The following SKAP2 variants were observed in gnomAD, a reference collection of about 807,000 sequenced individuals.
SKAP2 encodes src kinase associated phosphoprotein 2, also known as src kinase-associated phosphoprotein 2.
Under a neutral mutation model 54.9 loss-of-function variants are expected in SKAP2, and 28 were observed. That is an observed-to-expected ratio of 0.51 (90% CI 0.38 to 0.70). The LOEUF (loss-of-function observed/expected upper bound fraction) is 0.70, where lower values mean the gene tolerates loss of function less well. Ranked by LOEUF, SKAP2 falls within the 30% of genes least tolerant of loss-of-function variation. SKAP2 has a pLI of 0.00. For synonymous variants in SKAP2, 137 were observed against 134.3 expected, an observed-to-expected ratio of 1.02 and a Z score of -0.14; for missense variants, 356 against 424.1, an observed-to-expected ratio of 0.84 and a Z score of 1.41.
At chr7:26,831,742 A>C (rs1784600436) in intron 4 of SKAP2, among the ~76,000 whole-genome samples, 1 of 152,150 alleles carries the variant, frequency 6.6e-6, no homozygotes, top group African/African-American at 2.4e-5. Context: ...ACAGGCAATG[A>C]AGTATTTGAA....
chr7:26,773,132 G>T (rs562043046), intron 4 of SKAP2, among the ~76,000 whole-genome samples: 1 of 152,276 alleles, frequency 6.6e-6, no homozygotes, highest in Non-Finnish European at 1.5e-5. Context: ...GCTAATTCAG[G>T]CATGTAATTA....
At chr7:26,826,086 G>C (rs551380671) in intron 4 of SKAP2, among the ~76,000 whole-genome samples, 2 of 150,916 alleles carry the variant, frequency 1.3e-5, no homozygotes, top group Admixed American at 6.6e-5. Context: ...TCTTTTTTGG[G>C]CACACGATCC....
At chr7:26,685,381 G>T (rs1004692086) in intron 10 of SKAP2, among the ~76,000 whole-genome samples, 9 of 152,104 alleles carry the variant, frequency 5.9e-5, no homozygotes, top group African/African-American at 2.2e-4. Flanking sequence ...GCTGGTTAAT[G>T]AAAGACAACA....
chr7:26,686,245 G>C (rs1786637530), intron 10 of SKAP2, among the ~76,000 whole-genome samples: 1 of 152,086 alleles, frequency 6.6e-6, no homozygotes, highest in Non-Finnish European at 1.5e-5. Context: ...AGAAAATAAA[G>C]ATGGACTAGA....
intron 1 of SKAP2, among the ~76,000 whole-genome samples, chr7:26,862,824 G>A (rs900228236): frequency 1.3e-5 from 2 of 152,008 alleles, no homozygotes; most frequent in Non-Finnish European, 2.9e-5. Flanking sequence ...AGGTCTATAT[G>A]TTATTTCTTA....
intron 9 of SKAP2, among the ~76,000 whole-genome samples, chr7:26,707,255 T>G (rs1316724885): frequency 6.6e-6 from 1 of 151,536 alleles, no homozygotes; most frequent in Non-Finnish European, 1.5e-5. Context: ...AGCTATTCGG[T>G]AGGCTTAGGT....
chr7:26,791,040 G>C (rs1783664054), intron 4 of SKAP2, among the ~76,000 whole-genome samples: 1 of 144,740 alleles, frequency 6.9e-6, no homozygotes, highest in South Asian at 2.2e-4. Context: ...TGTAAAACTT[G>C]TTTTAATTTA....
chr7:26,770,403 G>A (rs1457437194), intron 4 of SKAP2, among the ~76,000 whole-genome samples: 1 of 152,120 alleles, frequency 6.6e-6, no homozygotes, highest in Admixed American at 6.5e-5. Context: ...TGTGGGGGTG[G>A]GATCTGCTGA....
chr7:26,857,330 A>C lies in SKAP2; in HGVS notation c.68-2440T>G, dbSNP rs1333791336. ...TTGCTTAAAAAAAAAAAAAAAAAAA[A>C]AAAAACTTTAAACTGGAAGCAGTTC... On this transcript the variant is annotated intron_variant, in intron 1 of 12. Transcript: ENST00000345317. 21 of 268,034 alleles carry C rather than the reference A, an allele frequency of 7.8e-5. No individual in the cohort carries two copies. In the South Asian group the frequency reaches 2.7e-3, roughly 35 times the overall value. The allele number at this position is 268,034 out of a possible 1,614,324, so 16.6% of individuals were successfully genotyped here.
chr7:26,775,811 C>T (rs1308152044), intron 4 of SKAP2, among the ~76,000 whole-genome samples: 1 of 152,116 alleles, frequency 6.6e-6, no homozygotes, highest in Non-Finnish European at 1.5e-5. Flanking sequence ...ATTGACTTTT[C>T]TTCACTCAGC....
chr7:26,758,474 T>TGAAC lies in SKAP2; in HGVS notation c.308-18511_308-18510insGTTC, dbSNP rs141942070. Among the ~76,000 whole-genome samples the TGAAC allele has an allele frequency of 5.8e-3, 889 of 152,328 alleles. 9 individuals carry two copies. Among genetic ancestry groups the TGAAC allele is most frequent in the African/African-American group, 0.02 (849 of 41,578 alleles). On this transcript the variant is annotated intron_variant, in intron 4 of 12. Transcript: ENST00000345317. Reference sequence around the variant, plus strand: ...ATATATGAAGGTACTACTTTGAGAATGTTCACCTACCTGGCTATTCTTCAA... The same window carrying TGAAC: ...ATATATGAAGGTACTACTTTGAGAATGAACGTTCACCTACCTGGCTATTCTTCAA...
intron 6 of SKAP2, among the ~76,000 whole-genome samples, chr7:26,738,204 TCA>T (rs1323580390): frequency 2.0e-5 from 3 of 152,348 alleles, no homozygotes; most frequent in African/African-American, 7.2e-5. Context: ...CTCTCTGTTC[TCA>T]GTTTTCCTAA....
At chr7:26,826,779 G>T (rs1784500393) in intron 4 of SKAP2, among the ~76,000 whole-genome samples, 1 of 152,164 alleles carries the variant, frequency 6.6e-6, no homozygotes, top group African/African-American at 2.4e-5. Flanking sequence ...TAAAGACAGT[G>T]ACATACCTTA....
At chr7:26,759,829 A>G (rs1266585087) in intron 4 of SKAP2, among the ~76,000 whole-genome samples, 1 of 152,184 alleles carries the variant, frequency 6.6e-6, no homozygotes, top group African/African-American at 2.4e-5. Flanking sequence ...CTGGCCAAGA[A>G]AAGAGGCCCA....
At chr7:26,805,228 A>G (rs1413139078) in intron 4 of SKAP2, among the ~76,000 whole-genome samples, 1 of 152,230 alleles carries the variant, frequency 6.6e-6, no homozygotes, top group Non-Finnish European at 1.5e-5. Flanking sequence ...TGAAACAATC[A>G]ACAGACTATG....
chr7:26,801,952 C>A (rs1425560519), intron 4 of SKAP2, among the ~76,000 whole-genome samples: 2 of 152,034 alleles, frequency 1.3e-5, no homozygotes, highest in African/African-American at 4.8e-5. Flanking sequence ...AGATTCAATG[C>A]AATCCCTATC....
chr7:26,657,067 G>A, the SKAP2 span, among the ~76,000 whole-genome samples: 1 of 152,096 alleles, frequency 6.6e-6, no homozygotes, highest in Admixed American at 6.5e-5. Flanking sequence ...CAAACGGTCT[G>A]AATAATAATA....
At chr7:26,839,803 A>G (rs1040180327) in intron 4 of SKAP2, among the ~76,000 whole-genome samples, 3 of 152,052 alleles carry the variant, frequency 2.0e-5, no homozygotes, top group African/African-American at 7.2e-5. Context: ...AATTTGGTAC[A>G]TTAAATTTAT....
intron 9 of SKAP2, among the ~76,000 whole-genome samples, chr7:26,723,702 A>T (rs573698753): frequency 4.7e-5 from 7 of 150,458 alleles, no homozygotes; most frequent in African/African-American, 1.5e-4. Flanking sequence ...TTCCTGATCA[A>T]TTTTTTTTTT....
Sources: gnomAD v4.1 joint callset for allele counts (sites outside exome capture counted in the v4.1 genomes callset) on GRCh38, gnomAD v4.1.1 for gene constraint, MANE v1.5 for transcripts, NCBI Gene and HGNC (gene_info 2026-07-23, HGNC 2026-07-21) for gene names.